FKBP10: variants seen among roughly 807,000 people sequenced by gnomAD.
FKBP10 encodes peptidyl-prolyl cis-trans isomerase FKBP10.
In FKBP10, 34 loss-of-function variants were observed where a neutral mutation model predicts 53.7. The ratio of observed to expected loss-of-function variants is 0.63; its 90% CI spans 0.48 to 0.84. The LOEUF (loss-of-function observed/expected upper bound fraction) is 0.84, where lower values mean the gene tolerates loss of function less well. Ranked by LOEUF, FKBP10 falls within the 40% of genes least tolerant of loss-of-function variation. FKBP10 has a pLI of 0.00. For missense variants in FKBP10, 748 were observed against 797.8 expected (o/e 0.94, Z 0.75); for synonymous variants, 324 against 335.7 (o/e 0.97, Z 0.38).
rs1555616403 is a variant in FKBP10 at position 41,818,312 on chromosome 17, G to A, written c.581+34G>A. 4 of 1,613,922 alleles carry A rather than the reference G, an allele frequency of 2.5e-6. No homozygotes were observed. In the South Asian group the frequency reaches 4.4e-5, roughly 18 times the overall value. On this transcript the variant is annotated intron_variant, in intron 3 of 9. Transcript: ENST00000321562. ...CTGGAGGGGAGCCCTGAGGCACTGGGGACTGTGGCATGGGGAGCGGGAATC... is the reference window on the plus strand; with the variant it reads ...CTGGAGGGGAGCCCTGAGGCACTGGAGACTGTGGCATGGGGAGCGGGAATC...
rs782205633 is a variant in FKBP10, at chr17:41,818,273, C to T, written c.576C>T (p.Asp192=). 7.1e-5 allele frequency: 115 copies of T among 1,613,746 alleles called. No homozygotes were observed. Among genetic ancestry groups the T allele is most frequent in the Non-Finnish European group, 9.6e-5 (113 of 1,180,032 alleles). The change falls in exon 3 of 10, where the codon GAC becomes GAT. Residue 192 remains aspartate, a synonymous_variant. Coordinates refer to ENST00000321562, the MANE Select transcript of FKBP10 (RefSeq NM_021939.4). ...CCCTGCTGGACGGCACCTCCTTCGA[C>T]ACCAGGTGAGGGGCTGGAGGGGAGC... ...NGTLLDGTSF[D]TSYSKGGTYD... is the part of the protein sequence containing the mutation.
chr17:41,818,412 C>G lies in FKBP10; in HGVS notation c.612C>G (p.Tyr204Ter), dbSNP rs1227407669. 1.2e-5 allele frequency: 20 copies of G among 1,614,042 alleles called. No homozygotes were observed. The Admixed American group carries it at 2.3e-4, about 19-fold the overall frequency. Residue 204 changes from tyrosine to a stop codon, truncating the protein, a stop_gained, in exon 4 of 10, where the codon TAC (tyrosine) becomes TAG (stop). Transcript: ENST00000321562. LOFTEE classifies it high-confidence loss of function. ...SYSKGGTYDT[Y>*]VGSGWLIKGM... ...GTAAGGGCGGCACTTATGACACCTA[C>G]GTCGGCTCTGGTTGGCTGATCAAGG... is the stretch of plus-strand genomic sequence containing the variant.
At position 41,819,370 on chromosome 17, in the gene FKBP10, C is replaced by T. The variant is rs782626537; in HGVS notation, c.888C>T (p.Ser296=). ...GDFMRYHYNG[S]LMDGTLFDSS... is the part of the protein sequence containing the mutation. ...TCATGCGCTACCACTACAATGGCTC[C>T]TTGATGGACGGCACCCTCTTCGATT... The change falls in exon 5 of 10, where the codon TCC becomes TCT. Residue 296 remains serine, a synonymous_variant. Coordinates refer to ENST00000321562, the MANE Select transcript of FKBP10 (RefSeq NM_021939.4). The T allele has an allele frequency of 1.7e-5, 28 of 1,610,692 alleles. No homozygotes were observed. The highest frequency in any genetic ancestry group is 2.3e-5 in the Non-Finnish European group (27 of 1,178,068).
Position 41,813,096 on chromosome 17 carries a change from T to C in FKBP10, c.62T>C (p.Leu21Pro). The C allele has an allele frequency of 6.2e-7, 1 of 1,611,076 alleles. No individual in the cohort carries two copies. The highest frequency in any genetic ancestry group is 2.2e-5 in the East Asian group (1 of 44,828). ...LLRLPLLQLL[L>P]LVVQAVGRGL... ...CGGCTCCCCCTGCTGCAGTTGCTGC[T>C]ACTGGTGGTGCAGGCCGTGGGGAGG... Residue 21 changes from leucine to proline, a missense_variant, in exon 1 of 10, where the codon CTA becomes CCA. Transcript: ENST00000321562.
At position 41,818,094 on chromosome 17, in the gene FKBP10, C is replaced by T. The variant is rs1555616338; in HGVS notation, c.397C>T (p.Leu133Phe). Residue 133 changes from leucine to phenylalanine, a missense_variant, in exon 3 of 10, where the codon CTC becomes TTC. Coordinates refer to ENST00000321562, the MANE Select transcript of FKBP10 (RefSeq NM_021939.4). ...LGYGSIGLAG[L>F]IPPDATLYFD... ...ACGCTGCTGCGCTCTCACAGCGGGG[C>T]TCATTCCACCGGATGCCACCCTCTA... 1.2e-6 allele frequency: 2 copies of T among 1,608,472 alleles called. No individual in the cohort carries two copies. Among genetic ancestry groups the T allele is most frequent in the Non-Finnish European group, 1.7e-6 (2 of 1,177,538 alleles).
At chr17:41,814,961 G>A (rs1208077098) in intron 1 of FKBP10, among the ~76,000 whole-genome samples, 1 of 152,120 alleles carries the variant, frequency 6.6e-6, no homozygotes, top group Non-Finnish European at 1.5e-5. Flanking sequence ...GCCTGGGCTG[G>A]AGTGCAATGG....
rs1319233481 is a variant in FKBP10, at chr17:41,818,230, G to A, written c.533G>A (p.Arg178His). The change falls in exon 3 of 10, where the codon CGC becomes CAC. Residue 178 changes from arginine to histidine, a missense_variant. Arg to His is a conservative substitution (Grantham distance 29). Transcript: ENST00000321562. ...PRMVQDGDFVRYHYNGTLLDG... is the reference protein window; with the variant it reads ...PRMVQDGDFVHYHYNGTLLDG... Reference sequence around the variant, plus strand: ...ATGGTCCAGGACGGCGACTTTGTCCGCTACCACTACAATGGCACCCTGCTG... The same window carrying A: ...ATGGTCCAGGACGGCGACTTTGTCCACTACCACTACAATGGCACCCTGCTG... 1.2e-6 allele frequency: 2 copies of A among 1,613,398 alleles called. No homozygotes were observed. Among genetic ancestry groups the A allele is most frequent in the Non-Finnish European group, 1.7e-6 (2 of 1,180,008 alleles).
chr17:41,821,837 TAA>T lies in FKBP10; in HGVS notation c.1563+21_1563+22del. 6.2e-7 allele frequency: 1 copy of T among 1,613,912 alleles called. No homozygotes were observed. The highest frequency in any genetic ancestry group is 8.5e-7 in the Non-Finnish European group (1 of 1,179,966). On this transcript the variant is annotated intron_variant, in intron 9 of 9. Coordinates refer to ENST00000321562, the MANE Select transcript of FKBP10 (RefSeq NM_021939.4). ...GAGGAGGTGGGTGAAGGTTCAGTCC[TAA>T]TAGCCATGCCCACGCAATCCCCGCA...
chr17:41,822,330 C>T lies in FKBP10; in HGVS notation c.1671C>T (p.Asn557=), dbSNP rs1457100852. 41 of 1,613,644 alleles carry T rather than the reference C, an allele frequency of 2.5e-5. No homozygotes were observed. Among genetic ancestry groups the T allele is most frequent in the Non-Finnish European group, 3.5e-5 (41 of 1,179,892 alleles). ...IGDMFQNQDR[N]QDGKITVDEL... is the part of the protein sequence containing the mutation. ...ACATGTTCCAGAACCAGGACCGCAACCAGGACGGCAAGATCACAGTCGACG... is the reference window on the plus strand; with the variant it reads ...ACATGTTCCAGAACCAGGACCGCAATCAGGACGGCAAGATCACAGTCGACG... The change falls in exon 10 of 10, where the codon AAC becomes AAT. Residue 557 remains asparagine (N), a synonymous_variant. Coordinates refer to ENST00000321562, the MANE Select transcript of FKBP10 (RefSeq NM_021939.4).
rs1597911366 is a variant in FKBP10, at chr17:41,822,559, T to TGAGG, written c.*151_*152insGAGG. 5.6e-5 allele frequency: 46 copies of TGAGG among 816,886 alleles called. No individual in the cohort carries two copies. In the East Asian group the frequency reaches 1.2e-3, roughly 22 times the overall value. The allele number at this position is 816,886 out of a possible 1,614,324, so 50.6% of individuals were successfully genotyped here. A position where few individuals can be genotyped will look rare whatever the true frequency, so the allele number is the denominator to read the frequency against. ...AATGGCAGAGGAGACATCTCTGGTG[T>TGAGG]TCCCACCACCCTAGATGAAAATCCA... On this transcript the variant is annotated 3_prime_UTR_variant, in exon 10 of 10. Coordinates refer to ENST00000321562, the MANE Select transcript of FKBP10 (RefSeq NM_021939.4).
Position 41,813,215 on chromosome 17 carries a change from A to T in FKBP10, c.181A>T (p.Met61Leu). The T allele has an allele frequency of 1.9e-6, 3 of 1,613,674 alleles. No individual in the cohort carries two copies. The South Asian group carries it at 3.3e-5, about 18-fold the overall frequency. ...IPRACPREVQ[M>L]GDFVRYHYNG... ...CAGGGCCTGTCCCCGGGAAGTGCAG[A>T]TGGGGGATTTTGTGCGCTACCACTA... The change falls in exon 1 of 10, where the codon ATG (methionine) becomes TTG (leucine). Residue 61 changes from methionine (M) to leucine (L), a missense_variant. Met to Leu is a conservative substitution (Grantham distance 15). Coordinates refer to ENST00000321562, the MANE Select transcript of FKBP10 (RefSeq NM_021939.4).
rs576850704 is a variant in FKBP10, at chr17:41,822,641, T to C, written c.*233T>C. 11 of 594,070 alleles carry C rather than the reference T, an allele frequency of 1.9e-5. No homozygotes were observed. Among genetic ancestry groups the C allele is most frequent in the East Asian group, 1.5e-4 (5 of 33,570 alleles). 36.8% of individuals were successfully genotyped at this position (594,070 alleles called of 1,614,324 possible). ...TCCCTAAACCACTTCCTTAAAATGT[T>C]TGGATTTGCAAAGCCAATTTGGGGC... On this transcript the variant is annotated 3_prime_UTR_variant, in exon 10 of 10. Coordinates refer to ENST00000321562, the MANE Select transcript of FKBP10 (RefSeq NM_021939.4).
rs2047770566 is a variant in FKBP10, at chr17:41,813,180, A to ACCACAACC, written c.151_152insACCCCACA (p.Ile51AsnfsTer111). On this transcript the variant is annotated frameshift_variant, in exon 1 of 10. Transcript: ENST00000321562. LOFTEE classifies it high-confidence loss of function. ...CTGGAAGATGTGGTCATCGAGAGGT[A>ACCACAACC]CCACATCCCCAGGGCCTGTCCCCGG... The ACCACAACC allele has an allele frequency of 2.5e-6, 4 of 1,613,062 alleles. No individual in the cohort carries two copies. The East Asian group carries it at 8.9e-5, about 36-fold the overall frequency.
chr17:41,820,058 A>T, intron 6 of FKBP10: 1 of 1,379,208 alleles, frequency 7.3e-7, no homozygotes, highest in Non-Finnish European at 9.8e-7. Context: ...CGGTGAGTGG[A>T]AAAGGGCTTT....
rs1597911353 is a variant in FKBP10, at chr17:41,822,558, G to GGGA, written c.*150_*151insGGA. On this transcript the variant is annotated 3_prime_UTR_variant, in exon 10 of 10. Coordinates refer to ENST00000321562, the MANE Select transcript of FKBP10 (RefSeq NM_021939.4). ...CAATGGCAGAGGAGACATCTCTGGT[G>GGGA]TTCCCACCACCCTAGATGAAAATCC... 5.6e-5 allele frequency: 46 copies of GGGA among 827,994 alleles called. No homozygotes were observed. The East Asian group carries it at 1.2e-3, about 22-fold the overall frequency. 51.3% of individuals were successfully genotyped at this position (827,994 alleles called of 1,614,324 possible).
intron 2 of FKBP10, 28 bp downstream of exon 2, chr17:41,817,231 G>C: frequency 6.2e-7 from 1 of 1,608,720 alleles, no homozygotes; most frequent in Non-Finnish European, 8.5e-7. Context: ...ACAGGCCGGG[G>C]GTGGAGGAGA....
At chr17:41,814,010 G>A (rs1567852806) in intron 1 of FKBP10, among the ~76,000 whole-genome samples, 2 of 152,206 alleles carry the variant, frequency 1.3e-5, no homozygotes, top group East Asian at 1.9e-4. Context: ...CAGCCTTGGG[G>A]TTTGTAAGGT....
In FKBP10 at chr17:41,813,048, GC is replaced by G. The variant is rs782271121; in HGVS notation, c.21del (p.Ser8AlafsTer151). On this transcript the variant is annotated frameshift_variant, in exon 1 of 10. Coordinates refer to ENST00000321562, the MANE Select transcript of FKBP10 (RefSeq NM_021939.4). LOFTEE classifies it high-confidence loss of function. Reference protein sequence around the residue: MFPAGPPSHSLLRLP... With the variant: MFPAXPPSHSLLRLP... ...ACTCCAGGCACCATGTTCCCCGCGG[GC>G]CCCCCCAGCCACAGCCTCCTCCGGC... The G allele has an allele frequency of 1.9e-6, 3 of 1,609,516 alleles. No homozygotes were observed. The highest frequency in any genetic ancestry group is 8.5e-7 in the Non-Finnish European group (1 of 1,179,474).
Position 41,822,414 on chromosome 17 carries a change from A to G in FKBP10, c.*6A>G. The G allele has an allele frequency of 6.3e-6, 10 of 1,597,792 alleles. No individual in the cohort carries two copies. The highest frequency in any genetic ancestry group is 8.5e-6 in the Non-Finnish European group (10 of 1,171,994). On this transcript the variant is annotated 3_prime_UTR_variant, in exon 10 of 10. Coordinates refer to ENST00000321562, the MANE Select transcript of FKBP10 (RefSeq NM_021939.4). ...GGGTCCACGAGGAGCTCTGAGGGGC[A>G]GGGAGCCTGGCCAGGCCTGAGACAC...
Sources: allele counts gnomAD v4.1 joint callset (sites outside exome capture counted in the v4.1 genomes callset), GRCh38; gene constraint gnomAD v4.1.1; transcripts MANE v1.5; gene names NCBI Gene and HGNC (gene_info 2026-07-23, HGNC 2026-07-21).